Variants in MYH13 observed in about 807,000 individuals in gnomAD.
MYH13 encodes the protein myosin-13.
In MYH13, 177 loss-of-function variants were observed where a neutral mutation model predicts 232.1. The ratio of observed to expected loss-of-function variants is 0.76; its 90% CI spans 0.67 to 0.86. MYH13 has a LOEUF of 0.86. Ranked by LOEUF, MYH13 falls within the 40% of genes least tolerant of loss-of-function variation. The pLI, the probability that MYH13 is intolerant of heterozygous loss-of-function variation, is 0.00. For missense variants in MYH13, 2,246 were observed against 2,405.9 expected, an observed-to-expected ratio of 0.93 and a Z score of 1.39; for synonymous variants, 884 against 923.5, an observed-to-expected ratio of 0.96 and a Z score of 0.78.
Position 10,343,919 on chromosome 17 carries a change from A to T in MYH13, c.1775T>A (p.Ile592Asn). 2.5e-6 allele frequency: 4 copies of T among 1,614,172 alleles called. No individual in the cohort carries two copies. Among genetic ancestry groups the T allele is most frequent in the Non-Finnish European group, 3.4e-6 (4 of 1,180,028 alleles). ...VHYAGTVDYN[I>N]AGWLDKNKDP... ...CTTGTTTTTGTCCAGCCAGCCGGCG[A>T]TGTTGTAGTCCACGGTGCCGGCATA... Residue 592 changes from isoleucine to asparagine, a missense_variant, in exon 16 of 41, where the codon ATC becomes AAC. Physicochemically the swap from Ile to Asn is moderately radical, Grantham distance 149. Transcript: ENST00000252172.
chr17:10,369,223 T>A (rs986406044), intron 2 of MYH13, among the ~76,000 whole-genome samples: 2 of 152,220 alleles, frequency 1.3e-5, no homozygotes, highest in African/African-American at 4.8e-5. Context: ...TGCATCCTCA[T>A]TTCAGGGATA....
In MYH13 at chr17:10,346,804, G is replaced by A. The variant is rs1186820851; in HGVS notation, c.1145-6C>T. ...GTATCCGGCTTTGTCAGCCACTGAA[G>A]GAAGAGAAAAAAATGGCATCATGCA... On this transcript the variant is annotated splice_region_variant and splice_polypyrimidine_tract_variant and intron_variant, in intron 12 of 40. Transcript: ENST00000252172. 1 of 1,609,718 alleles carries A rather than the reference G, an allele frequency of 6.2e-7. No individual in the cohort carries two copies. The highest frequency in any genetic ancestry group is 8.5e-7 in the Non-Finnish European group (1 of 1,176,844).
At chr17:10,367,250 T>C (rs2071844650) in intron 2 of MYH13, among the ~76,000 whole-genome samples, 2 of 152,226 alleles carry the variant, frequency 1.3e-5, no homozygotes, top group Non-Finnish European at 2.9e-5. Flanking sequence ...GTCATATCTA[T>C]TGATATTTAC....
At chr17:10,305,014 A>G (rs1195655463) in intron 37 of MYH13, among the ~76,000 whole-genome samples, 1 of 152,030 alleles carries the variant, frequency 6.6e-6, no homozygotes, top group East Asian at 1.9e-4. Flanking sequence ...GAAAACTACT[A>G]ATCGGACAGG....
At position 10,309,252 on chromosome 17, in the gene MYH13, C is replaced by T. The variant is rs748419129; in HGVS notation, c.5151G>A (p.Val1717=). The part of the protein sequence containing the change: ...EQELLDASDR[V]QLLHSQNTSL... ...GACGCACCTGGGAGTGCAGGAGCTG[C>T]ACGCGGTCGCTGGCGTCCAGCAGCT... The change falls in exon 35 of 41, where the codon GTG becomes GTA. Residue 1717 remains valine (V), a synonymous_variant. Coordinates refer to ENST00000252172, the MANE Select transcript of MYH13 (RefSeq NM_003802.3). 60 of 1,613,294 alleles carry T rather than the reference C, an allele frequency of 3.7e-5. No individual in the cohort carries two copies. In the East Asian group the frequency reaches 1.3e-3, roughly 35 times the overall value.
chr17:10,366,592 G>A (rs1008588578), intron 2 of MYH13, among the ~76,000 whole-genome samples: 16 of 151,978 alleles, frequency 1.1e-4, no homozygotes, highest in Non-Finnish European at 1.9e-4. Flanking sequence ...TGTTAGTCAG[G>A]CTGGTCTTGA....
At chr17:10,357,610 C>G (rs1168276549) in intron 8 of MYH13, 125 bp downstream of exon 8, 2 of 770,614 alleles carry the variant, frequency 2.6e-6, no homozygotes, top group Admixed American at 2.6e-5. Flanking sequence ...GTAGATTGAT[C>G]TCAATCACTT....
intron 21 of MYH13, 116 bp from the exon 22 acceptor site, chr17:10,328,237 G>A: frequency 3.3e-6 from 4 of 1,225,168 alleles, no homozygotes; most frequent in Non-Finnish European, 4.6e-6. Flanking sequence ...GGAAGGAGGT[G>A]CAGCCAAGCT....
intron 30 of MYH13, 110 bp downstream of exon 30, chr17:10,313,048 A>G (rs1906569096): frequency 3.3e-6 from 5 of 1,532,058 alleles, no homozygotes; most frequent in Non-Finnish European, 4.4e-6. Context: ...CGAGTGTTTC[A>G]GAAACCACAA....
intron 22 of MYH13, among the ~76,000 whole-genome samples, chr17:10,327,437 C>T (rs1224011681): frequency 6.6e-6 from 1 of 152,212 alleles, no homozygotes; most frequent in Admixed American, 6.5e-5. Flanking sequence ...TGAGCTACCA[C>T]GCCCGGCCTA....
In MYH13 at chr17:10,309,836, G is replaced by A. The variant is rs371676065; in HGVS notation, c.4657-6C>T. The stretch of plus-strand genomic sequence containing the variant: ...TCCTCGTGTTCCAAGGAACCCTGAC[G>A]AAAGCAAAGGAGTGATTGAGAGTGC... On this transcript the variant is annotated splice_polypyrimidine_tract_variant and splice_region_variant and intron_variant, in intron 33 of 40. Transcript: ENST00000252172. 4 of 1,553,980 alleles carry A rather than the reference G, an allele frequency of 2.6e-6. No homozygotes were observed. Among genetic ancestry groups the A allele is most frequent in the Middle Eastern group, 1.7e-4 (1 of 5,956 alleles).
intron 2 of MYH13, among the ~76,000 whole-genome samples, chr17:10,370,186 T>G (rs537598129): frequency 2.9e-4 from 44 of 152,382 alleles, no homozygotes; most frequent in African/African-American, 9.6e-4. Flanking sequence ...GGTGATTGCC[T>G]GTTGGCAGCC....
At chr17:10,361,455 C>G (rs2071792718) in intron 5 of MYH13, among the ~76,000 whole-genome samples, 1 of 150,914 alleles carries the variant, frequency 6.6e-6, no homozygotes, top group Admixed American at 6.6e-5. Flanking sequence ...CCATGACTGG[C>G]TAATTTTTTT....
rs896747728 is a variant in MYH13, at chr17:10,304,412, A to T, written c.5467-914T>A. 6.6e-6 allele frequency among the ~76,000 whole-genome samples: 1 copy of T among 152,252 alleles called. No individual in the cohort carries two copies. Among genetic ancestry groups the T allele is most frequent in the African/African-American group, 2.4e-5 (1 of 41,466 alleles). ...AGGCAGCCTCAGGTGCACAGAGCAT[A>T]GCTGGTGGGTCAGGATTTGCTTAGA... On this transcript the variant is annotated intron_variant, in intron 37 of 40. Coordinates refer to ENST00000252172, the MANE Select transcript of MYH13 (RefSeq NM_003802.3). The surrounding 1 kb of genome is among the most constrained non-coding windows in gnomAD (Gnocchi z 5.3).
rs761244522 is a variant in MYH13 at position 10,351,220 on chromosome 17, C to CAAA, written c.1006-529_1006-527dup. 5.1e-4 allele frequency among the ~76,000 whole-genome samples: 37 copies of CAAA among 72,714 alleles called. 2 individuals carry two copies. The East Asian group carries it at 5.2e-3, about 10-fold the overall frequency. 47.7% of individuals were successfully genotyped at this position (72,714 alleles called of 152,430 possible). A position where few individuals can be genotyped will look rare whatever the true frequency, so the allele number is the denominator to read the frequency against. On this transcript the variant is annotated intron_variant, in intron 11 of 40. Coordinates refer to ENST00000252172, the MANE Select transcript of MYH13 (RefSeq NM_003802.3). ...TGGGAGACAGAGTGAGACTCCATCTCAAAAAAAAAAAAAAAGAGAACTGAT... is the reference window on the plus strand; with the variant it reads ...TGGGAGACAGAGTGAGACTCCATCTCAAAAAAAAAAAAAAAAAAGAGAACTGAT...
chr17:10,334,581 C>G (rs1379725536), intron 18 of MYH13, among the ~76,000 whole-genome samples: 2 of 152,020 alleles, frequency 1.3e-5, no homozygotes, highest in African/African-American at 4.8e-5. Context: ...GAAAATGTCT[C>G]AGACATTCAG....
At chr17:10,364,931 A>C (rs149531705) in intron 2 of MYH13, among the ~76,000 whole-genome samples, 1 of 151,986 alleles carries the variant, frequency 6.6e-6, no homozygotes. Context: ...GCTGGAGTGC[A>C]ATGGCTCGAT....
At chr17:10,344,786 A>C (rs1452160444) in intron 15 of MYH13, among the ~76,000 whole-genome samples, 1 of 144,142 alleles carries the variant, frequency 6.9e-6, no homozygotes, top group Admixed American at 7.4e-5. Flanking sequence ...GCACCACTGC[A>C]CTCCAGCCTG....
At chr17:10,354,637 C>A in intron 11 of MYH13, 43 bp downstream of exon 11, 1 of 1,557,428 alleles carries the variant, frequency 6.4e-7, no homozygotes, top group South Asian at 1.1e-5. Context: ...TTCATAAACT[C>A]AATAATTCTG....
Sources: gnomAD v4.1 joint callset for allele counts (sites outside exome capture counted in the v4.1 genomes callset) on GRCh38, gnomAD v4.1.1 for gene constraint, Gnocchi (gnomAD v3.1) non-coding constraint, MANE v1.5 for transcripts, NCBI Gene and HGNC (gene_info 2026-07-23, HGNC 2026-07-21) for gene names.